The following NETO1 variants were observed in gnomAD, a reference collection of about 807,000 sequenced individuals.
NETO1 encodes the protein neuropilin and tolloid like 1.
In NETO1, 26 loss-of-function variants were observed where a neutral mutation model predicts 61.3. The observed-to-expected ratio is 0.42, with a 90% CI of 0.31 to 0.59. The LOEUF (loss-of-function observed/expected upper bound fraction) is 0.59, where lower values mean the gene tolerates loss of function less well. Ranked by LOEUF, NETO1 falls within the 20% of genes least tolerant of loss-of-function variation. NETO1 has a pLI of 0.12. For missense variants in NETO1, 531 were observed against 662.8 expected (o/e 0.80, Z 2.18); for synonymous variants, 225 against 225.8 (o/e 1.00, Z 0.03).
In NETO1 at chr18:72,864,716, G is replaced by A. The variant is rs1236138595; in HGVS notation, c.220+92C>T. On this transcript the variant is annotated intron_variant, in intron 3 of 10. Transcript: ENST00000327305. ...TGCGCATGATCTCCAGATCAATTTT[G>A]TAATGCCTATACGCATATTCTTCAT... The A allele has an allele frequency of 8.7e-6, 13 of 1,499,958 alleles. 1 individual carries two copies. The South Asian group carries it at 1.6e-4, about 18-fold the overall frequency. 92.9% of individuals were successfully genotyped at this position (1,499,958 alleles called of 1,614,324 possible).
At chr18:72,838,488 T>C (rs1194682296) in intron 4 of NETO1, among the ~76,000 whole-genome samples, 2 of 152,208 alleles carry the variant, frequency 1.3e-5, no homozygotes, top group Non-Finnish European at 2.9e-5. Context: ...TTATACATTA[T>C]TGTTAAACCA....
chr18:72,772,479 T>C (rs1261340269), intron 7 of NETO1, among the ~76,000 whole-genome samples: 2 of 152,004 alleles, frequency 1.3e-5, no homozygotes, highest in Non-Finnish European at 2.9e-5. Context: ...GTGTATGGGT[T>C]CATGAAACTA....
chr18:72,862,684 G>A (rs6566676), intron 3 of NETO1, among the ~76,000 whole-genome samples: 1 of 147,410 alleles, frequency 6.8e-6, no homozygotes, highest in Non-Finnish European at 1.5e-5. Context: ...GCAGTGGTGC[G>A]ATCTCGGCTC....
At chr18:72,760,470 G>A (rs1277805936) in intron 7 of NETO1, among the ~76,000 whole-genome samples, 1 of 152,158 alleles carries the variant, frequency 6.6e-6, no homozygotes, top group Admixed American at 6.5e-5. Context: ...GCTGTGATTT[G>A]GGCTGTCAGG....
intron 6 of NETO1, 38 bp from the exon 7 acceptor site, chr18:72,783,944 A>G: frequency 1.4e-6 from 2 of 1,414,992 alleles, no homozygotes; most frequent in Admixed American, 1.7e-5. Flanking sequence ...ACATATCAAA[A>G]TATGAATGTA....
chr18:72,826,762 C>T (rs767708865), intron 4 of NETO1, among the ~76,000 whole-genome samples: 6 of 152,114 alleles, frequency 3.9e-5, no homozygotes, highest in African/African-American at 7.2e-5. Context: ...AGTGTTCCCC[C>T]ACAACTCAGG....
intron 6 of NETO1, among the ~76,000 whole-genome samples, chr18:72,793,454 T>C (rs2072202957): frequency 2.6e-5 from 4 of 152,202 alleles, no homozygotes; most frequent in Admixed American, 2.6e-4. Flanking sequence ...TTAATACATG[T>C]AATACTTTTA....
At position 72,830,434 on chromosome 18, in the gene NETO1, G is replaced by A. The variant is rs995463483; in HGVS notation, c.469+28392C>T. 1.3e-5 allele frequency among the ~76,000 whole-genome samples: 2 copies of A among 152,182 alleles called. No individual in the cohort carries two copies. Among genetic ancestry groups the A allele is most frequent in the African/African-American group, 2.4e-5 (1 of 41,430 alleles). On this transcript the variant is annotated intron_variant, in intron 4 of 10. Transcript: ENST00000327305. The surrounding 1 kb of genome is among the most constrained non-coding windows in gnomAD (Gnocchi z 4.9). ...AGAAAAATTTTGTGAGATCACCTTT[G>A]CTGGGCGGTGAAAGGGACCAGGGCA...
intron 4 of NETO1, among the ~76,000 whole-genome samples, chr18:72,795,635 T>A (rs1351848313): frequency 6.6e-6 from 1 of 152,154 alleles, no homozygotes; most frequent in African/African-American, 2.4e-5. Context: ...TTGTTTATGT[T>A]CATGGTGTAC....
At chr18:72,839,793 CATGTTAT>C (rs2073865029) in intron 4 of NETO1, among the ~76,000 whole-genome samples, 1 of 152,090 alleles carries the variant, frequency 6.6e-6, no homozygotes. Context: ...ATGTTTAAGA[CATGTTAT>C]AAGTTTTTTG....
intron 4 of NETO1, among the ~76,000 whole-genome samples, chr18:72,855,210 C>T (rs1599168684): frequency 6.6e-6 from 1 of 152,144 alleles, no homozygotes; most frequent in Admixed American, 6.5e-5. Context: ...AGGCTCAGTA[C>T]ACAGAAAGAA....
At chr18:72,827,481 A>T (rs2073418193) in intron 4 of NETO1, among the ~76,000 whole-genome samples, 1 of 152,190 alleles carries the variant, frequency 6.6e-6, no homozygotes, top group South Asian at 2.1e-4. Context: ...CCAGGCCCAA[A>T]GCAGGAGAAA....
At chr18:72,757,497 T>TC (rs1277567144) in intron 7 of NETO1, among the ~76,000 whole-genome samples, 1 of 151,936 alleles carries the variant, frequency 6.6e-6, no homozygotes, top group Admixed American at 6.6e-5. Flanking sequence ...CCCTACCTCC[T>TC]CCCCCAACCC....
rs926238194 is a variant in NETO1 at position 72,745,352 on chromosome 18, T to G, written c.*2827A>C. The G allele has an allele frequency of 1.3e-5, 2 of 152,202 alleles. No homozygotes were observed. The allele number at this position is 152,202 out of a possible 1,614,324, so 9.4% of individuals were successfully genotyped here. ...GTACGAAGCTTAATATGGGGATTCATTGGCATTGCATGTGATTATATGCTA... is the reference window on the plus strand; with the variant it reads ...GTACGAAGCTTAATATGGGGATTCAGTGGCATTGCATGTGATTATATGCTA... On this transcript the variant is annotated 3_prime_UTR_variant, in exon 11 of 11. Transcript: ENST00000327305.
chr18:72,828,124 C>G (rs1204694004), intron 4 of NETO1, among the ~76,000 whole-genome samples: 1 of 152,134 alleles, frequency 6.6e-6, no homozygotes, highest in Non-Finnish European at 1.5e-5. Context: ...ACCAGCCAGG[C>G]CAATATGGCG....
chr18:72,826,596 C>A (rs1409999251), intron 4 of NETO1, among the ~76,000 whole-genome samples: 1 of 151,674 alleles, frequency 6.6e-6, no homozygotes, highest in Non-Finnish European at 1.5e-5. Flanking sequence ...TCTGTATTTC[C>A]TTTTAATTCT....
intron 4 of NETO1, among the ~76,000 whole-genome samples, chr18:72,850,451 CTTGA>C (rs1255085593): frequency 6.6e-6 from 1 of 152,018 alleles, no homozygotes; most frequent in Non-Finnish European, 1.5e-5. Flanking sequence ...TTTATAATTC[CTTGA>C]TTTAGTTTTC....
In NETO1 at chr18:72,744,680, T is replaced by G. The variant is rs2070394682; in HGVS notation, c.*3499A>C. On this transcript the variant is annotated 3_prime_UTR_variant, in exon 11 of 11. Transcript: ENST00000327305. ...AAAGAATTTTAAAAATGTTGTTTAT[T>G]TAACTTCCCTTCAGAGAGGGAATCT... The G allele has an allele frequency of 6.6e-6, 1 of 152,164 alleles. No homozygotes were observed. The allele number at this position is 152,164 out of a possible 1,614,324, so 9.4% of individuals were successfully genotyped here. A position where few individuals can be genotyped will look rare whatever the true frequency, so the allele number is the denominator to read the frequency against.
chr18:72,748,200 A>G lies in NETO1; in HGVS notation c.*15-36T>C, dbSNP rs143726618. Reference sequence around the variant, plus strand: ...AAAACAGTTAAAACATTTTCTCCCAATGAAAAATGCATACAAATACACCAA... The same window carrying G: ...AAAACAGTTAAAACATTTTCTCCCAGTGAAAAATGCATACAAATACACCAA... On this transcript the variant is annotated intron_variant, in intron 10 of 10. Coordinates refer to ENST00000327305, the MANE Select transcript of NETO1 (RefSeq NM_138966.5). The G allele has an allele frequency of 3.6e-5, 35 of 982,484 alleles. No homozygotes were observed. In the East Asian group the frequency reaches 3.3e-3, roughly 93 times the overall value. 60.9% of individuals were successfully genotyped at this position (982,484 alleles called of 1,614,324 possible). A position where few individuals can be genotyped will look rare whatever the true frequency, so the allele number is the denominator to read the frequency against.
Sources: allele counts gnomAD v4.1 joint callset (sites outside exome capture counted in the v4.1 genomes callset), GRCh38; gene constraint gnomAD v4.1.1; non-coding constraint Gnocchi (gnomAD v3.1); transcripts MANE v1.5; gene names NCBI Gene and HGNC (gene_info 2026-07-23, HGNC 2026-07-21).